The following ZC3HAV1 variants were observed in gnomAD, a reference collection of about 807,000 sequenced individuals.
ZC3HAV1 encodes zinc finger CCCH-type containing, antiviral 1.
A neutral mutation model predicts 86.6 loss-of-function variants in ZC3HAV1; 41 were observed. The ratio of observed to expected loss-of-function variants is 0.47; its 90% CI spans 0.37 to 0.61. The LOEUF (loss-of-function observed/expected upper bound fraction) is 0.61, where lower values mean the gene tolerates loss of function less well. ZC3HAV1 is among the 20% of genes least tolerant of loss of function. ZC3HAV1 has a pLI of 0.00. For missense variants in ZC3HAV1, 964 were observed against 1,141.1 expected (o/e 0.84, Z 2.24); for synonymous variants, 421 against 432.1 (o/e 0.97, Z 0.32).
intron 12 of ZC3HAV1, among the ~76,000 whole-genome samples, chr7:139,048,106 T>C (rs534993270): frequency 1.6e-4 from 24 of 152,302 alleles, no homozygotes; most frequent in African/African-American, 5.8e-4. Flanking sequence ...GTGTGAGCCA[T>C]TGGGTGCAAT....
chr7:139,109,468 T>C lies in ZC3HAV1; in HGVS notation c.-137A>G, dbSNP rs929056889. 3.6e-6 allele frequency: 4 copies of C among 1,124,510 alleles called. No homozygotes were observed. Among genetic ancestry groups the C allele is most frequent in the Non-Finnish European group, 4.9e-6 (4 of 821,296 alleles). The allele number at this position is 1,124,510 out of a possible 1,614,324, so 69.7% of individuals were successfully genotyped here. A position where few individuals can be genotyped will look rare whatever the true frequency, so the allele number is the denominator to read the frequency against. ...GCGCCCGGAGTCAGCGAGGGCGCGC[T>C]CTCCGTCGCCGTTAGCCCAGCCCAG... On this transcript the variant is annotated 5_prime_UTR_variant, in exon 1 of 13. Coordinates refer to ENST00000242351, the MANE Select transcript of ZC3HAV1 (RefSeq NM_020119.4).
At position 139,078,552 on chromosome 7, in the gene ZC3HAV1, C is replaced by A; in HGVS notation, c.1573G>T (p.Gly525Cys). ...DHLCKGCPLN[G>C]SCSKVHFHLP... is the part of the protein sequence containing the mutation. ...ACAGAAAAGTCCTTAGGTTACTCAC[C>A]ATTAAGCGGACAACCCTTACACAGA... is the stretch of plus-strand genomic sequence containing the variant. Residue 525 changes from glycine (G) to cysteine (C), a missense_variant and splice_region_variant, in exon 5 of 13, where the codon GGT becomes TGT. Transcript: ENST00000242351. 1 of 1,593,784 alleles carries A rather than the reference C, an allele frequency of 6.3e-7. No individual in the cohort carries two copies. Among genetic ancestry groups the A allele is most frequent in the Non-Finnish European group, 8.5e-7 (1 of 1,173,718 alleles).
At chr7:139,078,513 A>T (rs761167901) in intron 5 of ZC3HAV1, 39 bp downstream of exon 5, 5 of 1,500,992 alleles carry the variant, frequency 3.3e-6, no homozygotes, top group Admixed American at 2.0e-5. Flanking sequence ...ACAATGGCCA[A>T]AAGGTGGAAG....
intron 3 of ZC3HAV1, among the ~76,000 whole-genome samples, chr7:139,080,818 G>A (rs971837756): frequency 2.6e-5 from 4 of 152,176 alleles, no homozygotes; most frequent in Non-Finnish European, 5.9e-5. Context: ...GCAAATCAGA[G>A]AAGATTTTCC....
Position 139,071,104 on chromosome 7 carries a change from T to A in ZC3HAV1, c.1872+2752A>T, listed in dbSNP as rs1264005511. Among the ~76,000 whole-genome samples the A allele has an allele frequency of 8.5e-3, 1,105 of 129,300 alleles. 13 individuals carry two copies. Among genetic ancestry groups the A allele is most frequent in the African/African-American group, 0.036 (1,041 of 28,746 alleles). The allele number at this position is 129,300 out of a possible 152,430, so 84.8% of individuals were successfully genotyped here. ...ATAGTTCCTTTTGGTTTCTGAAACC[T>A]TTTTTTTTTTTTTTTGGAGTCTTAC... On this transcript the variant is annotated intron_variant, in intron 7 of 12. Transcript: ENST00000242351.
Position 139,108,997 on chromosome 7 carries a change from A to G in ZC3HAV1, c.308+27T>C. ...GTCCACCCCGACCACGGCTGCGGACAGCGCCCCTCCCTCCGGGTGCACTCA... is the reference window on the plus strand; with the variant it reads ...GTCCACCCCGACCACGGCTGCGGACGGCGCCCCTCCCTCCGGGTGCACTCA... On this transcript the variant is annotated intron_variant, in intron 1 of 12. Coordinates refer to ENST00000242351, the MANE Select transcript of ZC3HAV1 (RefSeq NM_020119.4). The surrounding 1 kb of genome is among the most constrained non-coding windows in gnomAD (Gnocchi z 4.2). 5 of 1,518,666 alleles carry G rather than the reference A, an allele frequency of 3.3e-6. No individual in the cohort carries two copies. The highest frequency in any genetic ancestry group is 4.4e-6 in the Non-Finnish European group (5 of 1,124,652). The allele number at this position is 1,518,666 out of a possible 1,614,324, so 94.1% of individuals were successfully genotyped here.
At chr7:139,050,664 C>T (rs534983529) in intron 12 of ZC3HAV1, among the ~76,000 whole-genome samples, 1 of 152,150 alleles carries the variant, frequency 6.6e-6, no homozygotes, top group Non-Finnish European at 1.5e-5. Flanking sequence ...GCCACAGTGC[C>T]TAGCCTAACA....
intron 3 of ZC3HAV1, among the ~76,000 whole-genome samples, chr7:139,081,446 T>C (rs1817126080): frequency 6.6e-6 from 1 of 152,200 alleles, no homozygotes; most frequent in Non-Finnish European, 1.5e-5. Context: ...ATCTTTCTCA[T>C]TCACAATAAG....
In ZC3HAV1 at chr7:139,103,457, G is replaced by A. The variant is rs78116475; in HGVS notation, c.308+5567C>T. ...TGACTATTTCAAAGCCTTCCGACTG[G>A]CATAAGCCAAAAAAGTCTGATAACA... On this transcript the variant is annotated intron_variant, in intron 1 of 12. Transcript: ENST00000242351. Among the ~76,000 whole-genome samples, 52 of 151,910 alleles carry A rather than the reference G, an allele frequency of 3.4e-4. No homozygotes were observed. In the East Asian group the frequency reaches 9.1e-3, roughly 27 times the overall value.
Position 139,109,143 on chromosome 7 carries a change from C to T in ZC3HAV1, c.189G>A (p.Ser63=), listed in dbSNP as rs759050689. ...CCCGGGCTCGAGTGGTGGCCACCAC[C>T]GATCGGGTGATCCCGGCCTCGCCGC... ...ETGGEAGITR[S]VVATTRARVC... Residue 63 remains serine, a synonymous_variant, in exon 1 of 13, where the codon TCG becomes TCA. Coordinates refer to ENST00000242351, the MANE Select transcript of ZC3HAV1 (RefSeq NM_020119.4). The T allele has an allele frequency of 6.3e-7, 1 of 1,591,940 alleles. No homozygotes were observed. The highest frequency in any genetic ancestry group is 1.1e-5 in the South Asian group (1 of 88,392).
chr7:139,074,980 T>C (rs1254108469), intron 6 of ZC3HAV1, among the ~76,000 whole-genome samples: 3 of 152,194 alleles, frequency 2.0e-5, no homozygotes, highest in Non-Finnish European at 4.4e-5. Context: ...AAAGACCTCT[T>C]AGATCAGTGG....
Position 139,108,981 on chromosome 7 carries a change from G to C in ZC3HAV1, c.308+43C>G, listed in dbSNP as rs1563145122. On this transcript the variant is annotated intron_variant, in intron 1 of 12. Coordinates refer to ENST00000242351, the MANE Select transcript of ZC3HAV1 (RefSeq NM_020119.4). The surrounding 1 kb of genome is among the most constrained non-coding windows in gnomAD (Gnocchi z 4.2). ...ATTGCCCGCCTGGACAGTCCACCCC[G>C]ACCACGGCTGCGGACAGCGCCCCTC... is the stretch of plus-strand genomic sequence containing the variant. 6.7e-7 allele frequency: 1 copy of C among 1,501,828 alleles called. No individual in the cohort carries two copies. Among genetic ancestry groups the C allele is most frequent in the Non-Finnish European group, 9.0e-7 (1 of 1,115,890 alleles). 93.0% of individuals were successfully genotyped at this position (1,501,828 alleles called of 1,614,324 possible).
chr7:139,096,068 G>T (rs2130728324), intron 1 of ZC3HAV1, among the ~76,000 whole-genome samples: 1 of 152,252 alleles, frequency 6.6e-6, no homozygotes, highest in South Asian at 2.1e-4. Flanking sequence ...AGGCTGGAGT[G>T]CAATGGCGCA....
intron 1 of ZC3HAV1, among the ~76,000 whole-genome samples, chr7:139,095,059 C>T (rs991512423): frequency 6.6e-6 from 1 of 150,718 alleles, no homozygotes; most frequent in African/African-American, 2.5e-5. Context: ...CTCCCTAACA[C>T]CTAATAGGGT....
chr7:139,047,615 G>A lies in ZC3HAV1; in HGVS notation c.2688C>T (p.Asp896=). 8.1e-6 allele frequency: 13 copies of A among 1,614,066 alleles called. No homozygotes were observed. The highest frequency in any genetic ancestry group is 9.3e-6 in the Non-Finnish European group (11 of 1,180,018). ...GGTTCTAACTAATCACGCAGGCTTTGTCTTCAGTATATTCAATCACATATT... is the reference window on the plus strand; with the variant it reads ...GGTTCTAACTAATCACGCAGGCTTTATCTTCAGTATATTCAATCACATATT... ...YPQYVIEYTE[D]KACVIS The change falls in exon 13 of 13, where the codon GAC becomes GAT. Residue 896 remains aspartate, a synonymous_variant. Transcript: ENST00000242351.
intron 9 of ZC3HAV1, among the ~76,000 whole-genome samples, chr7:139,056,871 T>C (rs1816300473): frequency 6.6e-6 from 1 of 152,208 alleles, no homozygotes; most frequent in East Asian, 1.9e-4. Context: ...TTTAAGACAA[T>C]GGGAAAACAT....
chr7:139,102,918 CAA>C (rs1331452732), intron 1 of ZC3HAV1, among the ~76,000 whole-genome samples: 5 of 117,732 alleles, frequency 4.2e-5, no homozygotes, highest in Non-Finnish European at 3.6e-5. Flanking sequence ...GATCCTGTCT[CAA>C]AAAAAAAAAA....
rs1433373402 is a variant in ZC3HAV1, at chr7:139,098,231, G to A, written c.309-8472C>T. Among the ~76,000 whole-genome samples the A allele has an allele frequency of 4.6e-5, 7 of 152,208 alleles. No homozygotes were observed. The South Asian group carries it at 8.3e-4, about 18-fold the overall frequency. On this transcript the variant is annotated intron_variant, in intron 1 of 12. Coordinates refer to ENST00000242351, the MANE Select transcript of ZC3HAV1 (RefSeq NM_020119.4). ...CTAGGATTACAGCATGAGCCATGGC[G>A]CCCGGCCTCCATACACTTTAAATGG...
At chr7:139,058,968 G>C (rs1350052200) in intron 9 of ZC3HAV1, among the ~76,000 whole-genome samples, 3 of 151,984 alleles carry the variant, frequency 2.0e-5, no homozygotes, top group Admixed American at 2.0e-4. Flanking sequence ...GACTAACTGG[G>C]AGTATCTGAA....
Sources: gnomAD v4.1 joint callset for allele counts (sites outside exome capture counted in the v4.1 genomes callset) on GRCh38, gnomAD v4.1.1 for gene constraint, Gnocchi (gnomAD v3.1) non-coding constraint, MANE v1.5 for transcripts, NCBI Gene and HGNC (gene_info 2026-07-23, HGNC 2026-07-21) for gene names.